The following EVI5 variants were observed in gnomAD, a reference collection of about 807,000 sequenced individuals.
EVI5 encodes ecotropic viral integration site 5.
EVI5 carries 73 observed loss-of-function variants against 112.0 expected under a neutral mutation model. The observed-to-expected ratio is 0.65, with a 90% CI of 0.54 to 0.79. The LOEUF is 0.79. EVI5 is among the 30% of genes least tolerant of loss of function. EVI5 has a pLI of 0.00. For synonymous variants in EVI5, 305 were observed against 319.9 expected, an observed-to-expected ratio of 0.95 and a Z score of 0.50; for missense variants, 900 against 968.8, an observed-to-expected ratio of 0.93 and a Z score of 0.94.
chr1:92,696,678 C>T (rs1670370301), intron 6 of EVI5, among the ~76,000 whole-genome samples: 2 of 151,752 alleles, frequency 1.3e-5, no homozygotes, highest in Admixed American at 1.3e-4. Flanking sequence ...CCTATTCTGG[C>T]TTTTTCTTTA....
At chr1:92,764,147 C>T (rs3790445) in intron 1 of EVI5, among the ~76,000 whole-genome samples, 139,968 of 152,278 alleles carry the variant, frequency 0.92, 64,405 homozygotes, top group East Asian at 0.97. Flanking sequence ...TAGAGAACTT[C>T]ACTAAATAGT....
At chr1:92,785,275 C>A (rs546492421), upstream of EVI5, among the ~76,000 whole-genome samples, 1 of 152,356 alleles carries the variant, frequency 6.6e-6, no homozygotes, top group Non-Finnish European at 1.5e-5. Context: ...GCCTCTCTTT[C>A]AAAGCACCAG....
At position 92,762,323 on chromosome 1, in the gene EVI5, T is replaced by C. The variant is rs77030390; in HGVS notation, c.-82+22513A>G. On this transcript the variant is annotated intron_variant, in intron 1 of 19. Coordinates refer to ENST00000684568, the MANE Select transcript of EVI5 (RefSeq NM_001350197.2). Reference sequence around the variant, plus strand: ...TACTGCTGCTGCTACCACCATCATTTACTATATGCTTTATTATGAGCCAGG... The same window carrying C: ...TACTGCTGCTGCTACCACCATCATTCACTATATGCTTTATTATGAGCCAGG... Among the ~76,000 whole-genome samples the C allele has an allele frequency of 2.0e-5, 3 of 152,354 alleles. No homozygotes were observed. In the East Asian group the frequency reaches 5.8e-4, roughly 29 times the overall value.
chr1:92,619,990 T>C (rs1235511596), intron 16 of EVI5, among the ~76,000 whole-genome samples: 1 of 151,882 alleles, frequency 6.6e-6, no homozygotes, highest in Non-Finnish European at 1.5e-5. Context: ...CCTTGAACAA[T>C]CTAACACATG....
intron 18 of EVI5, among the ~76,000 whole-genome samples, chr1:92,574,970 C>T (rs867329711): frequency 6.6e-6 from 1 of 152,154 alleles, no homozygotes; most frequent in African/African-American, 2.4e-5. Flanking sequence ...AGGTTGCTTA[C>T]AAGTTGTGAT....
chr1:92,663,595 T>A, intron 11 of EVI5, 143 bp from the exon 12 acceptor site: 1 of 404,038 alleles, frequency 2.5e-6, no homozygotes, highest in Non-Finnish European at 4.4e-6. Context: ...AACCATTTTT[T>A]ACTGAATGTT....
At chr1:92,602,827 C>A (rs1270077686) in intron 18 of EVI5, among the ~76,000 whole-genome samples, 2 of 151,634 alleles carry the variant, frequency 1.3e-5, no homozygotes, top group African/African-American at 4.8e-5. Context: ...CCAAAAAAAA[C>A]AAAACAAAAC....
chr1:92,767,262 T>C lies in EVI5; in HGVS notation c.-82+17574A>G, dbSNP rs763630360. ...ATCCACTATTGTTGCTGTATGACAG[T>C]GCTTGTGCTCAAGTAATCCTTATTT... On this transcript the variant is annotated intron_variant, in intron 1 of 19. Coordinates refer to ENST00000684568, the MANE Select transcript of EVI5 (RefSeq NM_001350197.2). Among the ~76,000 whole-genome samples the C allele has an allele frequency of 2.0e-5, 3 of 152,326 alleles. No individual in the cohort carries two copies. The South Asian group carries it at 6.2e-4, about 32-fold the overall frequency.
chr1:92,523,823 C>T (rs565069732), intron 19 of EVI5, among the ~76,000 whole-genome samples: 15 of 152,166 alleles, frequency 9.9e-5, no homozygotes, highest in South Asian at 8.3e-4. Flanking sequence ...TGGTGACTTA[C>T]GCTTGTAATC....
At chr1:92,561,348 T>C (rs1489597290) in intron 19 of EVI5, among the ~76,000 whole-genome samples, 2 of 152,160 alleles carry the variant, frequency 1.3e-5, no homozygotes, top group African/African-American at 4.8e-5. Context: ...TTTTTTCCTT[T>C]CTTTTCAAAA....
intron 19 of EVI5, among the ~76,000 whole-genome samples, chr1:92,548,944 G>A (rs1666292474): frequency 6.6e-6 from 1 of 152,136 alleles, no homozygotes; most frequent in Non-Finnish European, 1.5e-5. Flanking sequence ...TACATTCAAT[G>A]CCATCCCCAT....
intron 1 of EVI5, among the ~76,000 whole-genome samples, chr1:92,753,746 T>C (rs919026091): frequency 1.3e-5 from 2 of 152,172 alleles, no homozygotes; most frequent in African/African-American, 4.8e-5. Flanking sequence ...TGGAATCTAA[T>C]TTTGGAATAT....
intron 13 of EVI5, among the ~76,000 whole-genome samples, chr1:92,641,371 T>A (rs1659938476): frequency 1.3e-5 from 2 of 152,134 alleles, no homozygotes; most frequent in Non-Finnish European, 2.9e-5. Flanking sequence ...GCTGAATCAA[T>A]CAGTTAACTC....
intron 1 of EVI5, among the ~76,000 whole-genome samples, chr1:92,758,633 G>T (rs6604018): frequency 6.6e-6 from 1 of 150,724 alleles, no homozygotes; most frequent in Non-Finnish European, 1.5e-5. Context: ...AAATGTTAAT[G>T]CAACAAAAAG....
At chr1:92,670,177 A>G (rs1665623287) in intron 10 of EVI5, among the ~76,000 whole-genome samples, 1 of 152,250 alleles carries the variant, frequency 6.6e-6, no homozygotes, top group Admixed American at 6.5e-5. Flanking sequence ...AAATAATAAT[A>G]GGAGACAAAA....
chr1:92,758,898 C>G (rs966491724), intron 1 of EVI5, among the ~76,000 whole-genome samples: 1 of 151,990 alleles, frequency 6.6e-6, no homozygotes, highest in Admixed American at 6.5e-5. Context: ...AGACACTAGA[C>G]AGCAGCCTAA....
intron 15 of EVI5, among the ~76,000 whole-genome samples, chr1:92,624,784 G>C (rs1250842834): frequency 6.6e-6 from 1 of 151,600 alleles, no homozygotes; most frequent in Non-Finnish European, 1.5e-5. Context: ...TCACTGCCTA[G>C]GGTCACCATA....
intron 1 of EVI5, among the ~76,000 whole-genome samples, chr1:92,737,095 T>C (rs1677566939): frequency 6.6e-6 from 1 of 152,260 alleles, no homozygotes; most frequent in South Asian, 2.1e-4. Context: ...TCCTGTAACA[T>C]GACTAACAAT....
intron 1 of EVI5, among the ~76,000 whole-genome samples, chr1:92,758,637 CA>C (rs1341291711): frequency 6.8e-6 from 1 of 148,126 alleles, no homozygotes; most frequent in East Asian, 2.0e-4. Context: ...GTTAATGCAA[CA>C]AAAAGTGAAA....
Sources: gnomAD v4.1 joint callset for allele counts (sites outside exome capture counted in the v4.1 genomes callset) on GRCh38, gnomAD v4.1.1 for gene constraint, MANE v1.5 for transcripts, NCBI Gene and HGNC (gene_info 2026-07-23, HGNC 2026-07-21) for gene names.